The following INPP4B variants were observed in gnomAD, a reference collection of about 807,000 sequenced individuals.
The protein encoded by INPP4B is inositol polyphosphate 4-phosphatase type II.
Under a neutral mutation model 122.5 loss-of-function variants are expected in INPP4B, and 55 were observed. That is an observed-to-expected ratio of 0.45 (90% CI 0.36 to 0.56). The LOEUF is 0.56. Ranked by LOEUF, INPP4B falls within the 20% of genes least tolerant of loss-of-function variation. The pLI is 0.00. For missense variants in INPP4B, 1,000 were observed against 1,097.7 expected (o/e 0.91, Z 1.26); for synonymous variants, 403 against 388.7 (o/e 1.04, Z -0.43).
chr4:142,546,351 G>A (rs1056168848), intron 2 of INPP4B, among the ~76,000 whole-genome samples: 1 of 152,008 alleles, frequency 6.6e-6, no homozygotes, highest in African/African-American at 2.4e-5. Context: ...TGGGCATTTA[G>A]GATTATTTCA....
intron 2 of INPP4B, among the ~76,000 whole-genome samples, chr4:142,550,589 T>TACACAC (rs113408746): frequency 0.028 from 3,866 of 140,496 alleles, 63 homozygotes; most frequent in South Asian, 0.063. Flanking sequence ...ATGTAATATA[T>TACACAC]ACACACACAC....
At chr4:142,317,276 C>A in intron 7 of INPP4B, 1 of 363,774 alleles carries the variant, frequency 2.7e-6, no homozygotes, top group Non-Finnish European at 5.5e-6. Context: ...CTACCAAAAC[C>A]GCAGAGGAGC....
rs2152753617 is a variant in INPP4B, at chr4:142,123,300, C to T, written c.2009G>A (p.Ser670Asn). 1 of 1,610,986 alleles carries T rather than the reference C, an allele frequency of 6.2e-7. No homozygotes were observed. Among genetic ancestry groups the T allele is most frequent in the African/African-American group, 1.3e-5 (1 of 74,868 alleles). ...ACTAAAGCAATACTCACTGTATGTA[C>T]TTAGCAGTCCTTCATATTGTACTAT... ...GLIVQYEGLL[S>N]TYSDEIGMLE... is the part of the protein sequence containing the mutation. Residue 670 changes from serine (S) to asparagine (N), a missense_variant, in exon 20 of 26, where the codon AGT (serine) becomes AAT (asparagine). Ser to Asn is a conservative substitution (Grantham distance 46). Transcript: ENST00000262992.
At position 142,102,256 on chromosome 4, in the gene INPP4B, ATAAATAAATTGTGCCCTATTAAC is replaced by A. The variant is rs1476830519; in HGVS notation, c.2374+5814_2374+5836del. Among the ~76,000 whole-genome samples, 22 of 152,196 alleles carry A rather than the reference ATAAATAAATTGTGCCCTATTAAC, an allele frequency of 1.4e-4. No individual in the cohort carries two copies. In the South Asian group the frequency reaches 3.3e-3, roughly 23 times the overall value. On this transcript the variant is annotated intron_variant, in intron 23 of 25. Coordinates refer to ENST00000262992, the MANE Select transcript of INPP4B (RefSeq NM_001101669.3). ...TTCAAAGGACACAGAAAACCTTAATATAAATAAATTGTGCCCTATTAACTAAATGTACTAAATGTTAGTTTACT... is the reference window on the plus strand; with the variant it reads ...TTCAAAGGACACAGAAAACCTTAATATAAATGTACTAAATGTTAGTTTACT...
intron 2 of INPP4B, among the ~76,000 whole-genome samples, chr4:142,651,430 G>A (rs1470967204): frequency 6.6e-6 from 1 of 152,092 alleles, no homozygotes; most frequent in Non-Finnish European, 1.5e-5. Flanking sequence ...ATGAATCCAG[G>A]AGCTGGATTT....
intron 14 of INPP4B, among the ~76,000 whole-genome samples, chr4:142,201,673 G>A (rs1840684688): frequency 6.6e-6 from 1 of 151,170 alleles, no homozygotes; most frequent in African/African-American, 2.4e-5. Context: ...GCAATTGATT[G>A]TTTTCCTCCA....
At chr4:142,653,767 T>G (rs1192102505) in intron 2 of INPP4B, among the ~76,000 whole-genome samples, 1 of 152,180 alleles carries the variant, frequency 6.6e-6, no homozygotes, top group African/African-American at 2.4e-5. Flanking sequence ...TTTACACTAT[T>G]GGTGGGAGTG....
At chr4:142,214,684 C>G (rs559277934) in intron 12 of INPP4B, among the ~76,000 whole-genome samples, 2 of 152,264 alleles carry the variant, frequency 1.3e-5, no homozygotes, top group African/African-American at 4.8e-5. Flanking sequence ...TACCATGTAG[C>G]TGGGACTACA....
At chr4:142,300,245 A>C (rs73850842) in intron 9 of INPP4B, among the ~76,000 whole-genome samples, 8,192 of 152,208 alleles carry the variant, frequency 0.054, 771 homozygotes, top group African/African-American at 0.19. Context: ...GAGAGGTGCC[A>C]CTAGCAGTTT....
chr4:142,692,788 TTG>T (rs1760373554), intron 2 of INPP4B, among the ~76,000 whole-genome samples: 1 of 152,114 alleles, frequency 6.6e-6, no homozygotes, highest in African/African-American at 2.4e-5. Flanking sequence ...GGTTTGACAG[TTG>T]TGTGATTTAA....
intron 15 of INPP4B, among the ~76,000 whole-genome samples, chr4:142,181,549 G>A (rs764472293): frequency 1.3e-5 from 2 of 151,990 alleles, no homozygotes; most frequent in African/African-American, 4.8e-5. Context: ...TTTACATTCA[G>A]CTCTACATAC....
chr4:142,246,994 T>A (rs1008598578), intron 11 of INPP4B, among the ~76,000 whole-genome samples: 19 of 152,022 alleles, frequency 1.2e-4, no homozygotes, highest in Middle Eastern at 3.2e-3. Context: ...TTATTGAGAG[T>A]TTTTAGCATG....
chr4:142,340,539 C>G (rs1778351142), intron 7 of INPP4B, among the ~76,000 whole-genome samples: 1 of 152,090 alleles, frequency 6.6e-6, no homozygotes, highest in Admixed American at 6.6e-5. Flanking sequence ...TCCCTAGAAG[C>G]CAGGACTATA....
At chr4:142,179,927 A>G (rs1561396093) in intron 15 of INPP4B, among the ~76,000 whole-genome samples, 1 of 152,118 alleles carries the variant, frequency 6.6e-6, no homozygotes, top group Non-Finnish European at 1.5e-5. Context: ...TGTTGTCCCT[A>G]TGGAGATAAT....
chr4:142,846,266 T>G lies in INPP4B; in HGVS notation c.-311A>C, dbSNP rs1784194250. On this transcript the variant is annotated 5_prime_UTR_variant, in exon 1 of 26. Coordinates refer to ENST00000262992, the MANE Select transcript of INPP4B (RefSeq NM_001101669.3). This position sits in a 1 kb window ranked among gnomAD's most constrained non-coding sequence, Gnocchi z 5.1. Reference sequence around the variant, plus strand: ...GCAGCAGACACTTTTAGCCTGACTTTCCTGCGTTCGCTTGCGAGCGTGTGA... The same window carrying G: ...GCAGCAGACACTTTTAGCCTGACTTGCCTGCGTTCGCTTGCGAGCGTGTGA... 6.6e-6 allele frequency: 1 copy of G among 152,668 alleles called. No homozygotes were observed. The highest frequency in any genetic ancestry group is 6.5e-5 in the Admixed American group (1 of 15,284). The allele number at this position is 152,668 out of a possible 1,614,324, so 9.5% of individuals were successfully genotyped here. A position where few individuals can be genotyped will look rare whatever the true frequency, so the allele number is the denominator to read the frequency against.
chr4:142,275,972 CT>C (rs1220085497), intron 9 of INPP4B, among the ~76,000 whole-genome samples: 2 of 151,628 alleles, frequency 1.3e-5, no homozygotes, highest in South Asian at 2.1e-4. Flanking sequence ...GAGACCTAAC[CT>C]TTCATTCTCT....
At chr4:142,337,488 A>G (rs893124729) in intron 7 of INPP4B, among the ~76,000 whole-genome samples, 1 of 151,720 alleles carries the variant, frequency 6.6e-6, no homozygotes, top group African/African-American at 2.4e-5. Flanking sequence ...TTTACCAACC[A>G]TTGATATGTA....
intron 25 of INPP4B, among the ~76,000 whole-genome samples, chr4:142,031,650 C>CTATACTCAT (rs1740209673): frequency 6.6e-6 from 1 of 152,076 alleles, no homozygotes; most frequent in Admixed American, 6.6e-5. Flanking sequence ...GTATGAGTAA[C>CTATACTCAT]TTGGTTACTA....
At chr4:142,235,547 G>T (rs1051503670) in intron 12 of INPP4B, among the ~76,000 whole-genome samples, 2 of 151,904 alleles carry the variant, frequency 1.3e-5, no homozygotes, top group African/African-American at 4.8e-5. Flanking sequence ...TCAGCCTCCC[G>T]AGTAGCTGGG....
Sources: gnomAD v4.1 joint callset for allele counts (sites outside exome capture counted in the v4.1 genomes callset) on GRCh38, gnomAD v4.1.1 for gene constraint, Gnocchi (gnomAD v3.1) non-coding constraint, MANE v1.5 for transcripts, NCBI Gene and HGNC (gene_info 2026-07-23, HGNC 2026-07-21) for gene names.